The following MTX2 variants were observed in gnomAD, a reference collection of about 807,000 sequenced individuals.
MTX2 encodes metaxin-2.
Under a neutral mutation model 42.3 loss-of-function variants are expected in MTX2, and 35 were observed. That is an observed-to-expected ratio of 0.83 (90% CI 0.63 to 1.10). The LOEUF (loss-of-function observed/expected upper bound fraction) is 1.10. Ranked by LOEUF, MTX2 falls within the 50% of genes least tolerant of loss-of-function variation. The pLI is 0.00. For missense variants in MTX2, 307 were observed against 304.1 expected, an observed-to-expected ratio of 1.01 and a Z score of -0.07; for synonymous variants, 119 against 100.9, an observed-to-expected ratio of 1.18 and a Z score of -1.08.
At chr2:176,281,093 G>A (rs1693068100) in intron 1 of MTX2, among the ~76,000 whole-genome samples, 1 of 152,194 alleles carries the variant, frequency 6.6e-6, no homozygotes, top group Admixed American at 6.5e-5. Flanking sequence ...AGTGTGTCTG[G>A]TTATGTCTTT....
chr2:176,294,152 T>A (rs1254994849), intron 1 of MTX2, among the ~76,000 whole-genome samples: 2 of 152,168 alleles, frequency 1.3e-5, no homozygotes, highest in African/African-American at 4.8e-5. Flanking sequence ...AAGAGAGCTT[T>A]TGGTATTTGT....
At chr2:176,297,108 A>G (rs1366471024) in intron 2 of MTX2, among the ~76,000 whole-genome samples, 1 of 152,138 alleles carries the variant, frequency 6.6e-6, no homozygotes, top group Non-Finnish European at 1.5e-5. Flanking sequence ...TCCTTAGTTT[A>G]TTATTGACTC....
At chr2:176,330,443 A>G (rs1684834041) in intron 8 of MTX2, 141 bp from the exon 9 acceptor site, 4 of 456,948 alleles carry the variant, frequency 8.8e-6, no homozygotes, top group Non-Finnish European at 1.6e-5. Context: ...TATGTGGTCT[A>G]TGGTCTTATT....
rs140208383 is a variant in MTX2, at chr2:176,271,042, C to A, written c.40+1373C>A. Among the ~76,000 whole-genome samples, 287 of 151,838 alleles carry A rather than the reference C, an allele frequency of 1.9e-3. 2 individuals carry two copies. Among genetic ancestry groups the A allele is most frequent in the Non-Finnish European group, 3.3e-3 (222 of 67,964 alleles). ...GTGCATGTGTCCTAATATGTGATTT[C>A]TTTTAATGAGAAAATGATGAATGTC... On this transcript the variant is annotated intron_variant, in intron 1 of 9. Coordinates refer to ENST00000249442, the MANE Select transcript of MTX2 (RefSeq NM_006554.5).
chr2:176,282,131 T>TTTTGTTTTTTTTTG (rs1339260489), intron 1 of MTX2, among the ~76,000 whole-genome samples: 1 of 134,514 alleles, frequency 7.4e-6, no homozygotes, highest in African/African-American at 2.8e-5. Context: ...CAGTAGTTTT[T>TTTTGTTTTTTTTTG]TTTTTTTTTT....
rs184465178 is a variant in MTX2, at chr2:176,327,563, A to G, written c.285+662A>G. Among the ~76,000 whole-genome samples, 546 of 141,778 alleles carry G rather than the reference A, an allele frequency of 3.9e-3. 6 individuals are homozygous for G. The highest frequency in any genetic ancestry group is 0.037 in the East Asian group (183 of 4,906). The allele number at this position is 141,778 out of a possible 152,430, so 93.0% of individuals were successfully genotyped here. A position where few individuals can be genotyped will look rare whatever the true frequency, so the allele number is the denominator to read the frequency against. ...GGAGATATATATATATCTCCAAAATATATATATATATTATTTTTTTTTTCT... is the reference window on the plus strand; with the variant it reads ...GGAGATATATATATATCTCCAAAATGTATATATATATTATTTTTTTTTTCT... On this transcript the variant is annotated intron_variant, in intron 5 of 9. Coordinates refer to ENST00000249442, the MANE Select transcript of MTX2 (RefSeq NM_006554.5).
chr2:176,318,258 A>AT (rs976167927), intron 3 of MTX2, among the ~76,000 whole-genome samples: 8 of 151,280 alleles, frequency 5.3e-5, no homozygotes, highest in African/African-American at 1.2e-4. Flanking sequence ...TTTCCTGTGA[A>AT]TTTTTTTTTA....
chr2:176,294,621 T>C (rs181926679), intron 1 of MTX2, among the ~76,000 whole-genome samples: 34 of 152,342 alleles, frequency 2.2e-4, no homozygotes, highest in Admixed American at 2.0e-3. Context: ...AAATTGCTGT[T>C]CATATAAGAA....
chr2:176,295,628 C>T (rs976969326), intron 1 of MTX2, among the ~76,000 whole-genome samples: 1 of 152,062 alleles, frequency 6.6e-6, no homozygotes, highest in African/African-American at 2.4e-5. Context: ...TTTTGTGTAG[C>T]CCAAACCAAA....
In MTX2 at chr2:176,297,855, A is replaced by G; in HGVS notation, c.95A>G (p.Gln32Arg). Reference protein sequence around the residue: ...ATLYQQLKGEQILLSDNAASL... With the variant: ...ATLYQQLKGERILLSDNAASL... ...CTTCATTGTATTTCCACAGGGGAGC[A>G]AATTTTACTTTCTGACAATGCAGCT... Residue 32 changes from glutamine to arginine, a missense_variant, in exon 3 of 10, where the codon CAA (glutamine) becomes CGA (arginine). By Grantham distance (43) the Gln-to-Arg change is conservative (BLOSUM62 1). Coordinates refer to ENST00000249442, the MANE Select transcript of MTX2 (RefSeq NM_006554.5). 4 of 1,565,076 alleles carry G rather than the reference A, an allele frequency of 2.6e-6. No homozygotes were observed. Among genetic ancestry groups the G allele is most frequent in the Non-Finnish European group, 3.5e-6 (4 of 1,152,356 alleles).
intron 1 of MTX2, among the ~76,000 whole-genome samples, chr2:176,292,138 T>C (rs1693343227): frequency 6.6e-6 from 1 of 152,202 alleles, no homozygotes; most frequent in African/African-American, 2.4e-5. Flanking sequence ...CAACCCCTTT[T>C]TTAGAAACTT....
At chr2:176,271,313 T>C (rs1692800551) in intron 1 of MTX2, among the ~76,000 whole-genome samples, 1 of 152,184 alleles carries the variant, frequency 6.6e-6, no homozygotes, top group Non-Finnish European at 1.5e-5. Flanking sequence ...GAGGAAAACA[T>C]AGATTATTTT....
chr2:176,291,035 T>C (rs1443803675), intron 1 of MTX2, among the ~76,000 whole-genome samples: 1 of 152,052 alleles, frequency 6.6e-6, no homozygotes, highest in African/African-American at 2.4e-5. Flanking sequence ...TTTATGAAAA[T>C]CTCATGTCCT....
At chr2:176,302,568 C>T (rs1015955845) in intron 3 of MTX2, among the ~76,000 whole-genome samples, 1 of 152,048 alleles carries the variant, frequency 6.6e-6, no homozygotes, top group Non-Finnish European at 1.5e-5. Flanking sequence ...TTCTGAGTAG[C>T]TGGGATTACA....
At chr2:176,335,867 G>A (rs1158217855) in intron 9 of MTX2, among the ~76,000 whole-genome samples, 2 of 152,082 alleles carry the variant, frequency 1.3e-5, no homozygotes, top group East Asian at 1.9e-4. Context: ...ATGTTATGTA[G>A]GCATTTGAAT....
chr2:176,293,507 C>T (rs940863591), intron 1 of MTX2, among the ~76,000 whole-genome samples: 1 of 152,062 alleles, frequency 6.6e-6, no homozygotes, highest in Non-Finnish European at 1.5e-5. Context: ...TCATGAATGG[C>T]TCAGTGCTAT....
At chr2:176,282,529 A>G (rs1228701812) in intron 1 of MTX2, among the ~76,000 whole-genome samples, 1 of 151,918 alleles carries the variant, frequency 6.6e-6, no homozygotes, top group Non-Finnish European at 1.5e-5. Flanking sequence ...TTCAGATTTC[A>G]TCTCCTTTTG....
chr2:176,305,212 T>C (rs865993105), intron 3 of MTX2, among the ~76,000 whole-genome samples: 4 of 152,186 alleles, frequency 2.6e-5, no homozygotes, highest in Middle Eastern at 3.4e-3. Flanking sequence ...TGAGTTACTA[T>C]TAGTTAATTA....
Position 176,328,858 on chromosome 2 carries a change from G to GT in MTX2, c.379-14dup. 6.2e-7 allele frequency: 1 copy of GT among 1,602,618 alleles called. No individual in the cohort carries two copies. The highest frequency in any genetic ancestry group is 8.5e-7 in the Non-Finnish European group (1 of 1,172,876). On this transcript the variant is annotated splice_polypyrimidine_tract_variant and intron_variant, in intron 6 of 9. Transcript: ENST00000249442. ...TTTGGTATTCTAAAGTTTAGTGACT[G>GT]TTCTTTTGTTCCTAGCTGTATCTTC...
Sources: allele counts gnomAD v4.1 joint callset (sites outside exome capture counted in the v4.1 genomes callset), GRCh38; gene constraint gnomAD v4.1.1; transcripts MANE v1.5; gene names NCBI Gene and HGNC (gene_info 2026-07-23, HGNC 2026-07-21).